The following UBE2D2 variants were observed in gnomAD, a reference collection of about 807,000 sequenced individuals.
The protein encoded by UBE2D2 is ubiquitin-conjugating enzyme E2 D2.
In UBE2D2, 2 loss-of-function variants were observed where a neutral mutation model predicts 24.2. The ratio of observed to expected loss-of-function variants is 0.08; its 90% confidence interval spans 0.03 to 0.26. The LOEUF (loss-of-function observed/expected upper bound fraction) is 0.26. UBE2D2 is among the 10% of genes least tolerant of loss of function. The pLI, the probability that UBE2D2 is intolerant of heterozygous loss-of-function variation, is 1.00. For synonymous variants in UBE2D2, 58 were observed against 56.5 expected, an observed-to-expected ratio of 1.03 and a Z score of -0.12; for missense variants, 44 against 177.6, an observed-to-expected ratio of 0.25 and a Z score of 4.28.
At chr5:139,549,372 CG>C (rs1752875133) in intron 1 of UBE2D2, among the ~76,000 whole-genome samples, 1 of 152,160 alleles carries the variant, frequency 6.6e-6, no homozygotes, top group African/African-American at 2.4e-5. Flanking sequence ...ACTGGGGCTG[CG>C]CGCATGGCAC....
chr5:139,616,077 A>C (rs10065372), intron 5 of UBE2D2, among the ~76,000 whole-genome samples: 13,251 of 149,866 alleles, frequency 0.088, 1,900 homozygotes, highest in African/African-American at 0.3. Flanking sequence ...CTTATGATCC[A>C]CCTGCCTCGG....
chr5:139,601,440 C>CA (rs1754071630), intron 2 of UBE2D2, among the ~76,000 whole-genome samples: 1 of 151,992 alleles, frequency 6.6e-6, no homozygotes, highest in Admixed American at 6.6e-5. Context: ...CCTGTCTCTA[C>CA]AAAAAACACA....
chr5:139,528,215 C>T (rs1752561574), intron 1 of UBE2D2, among the ~76,000 whole-genome samples: 1 of 152,162 alleles, frequency 6.6e-6, no homozygotes, highest in African/African-American at 2.4e-5. Context: ...CTTGTTCATC[C>T]CCGAGTGGAT....
intron 1 of UBE2D2, among the ~76,000 whole-genome samples, chr5:139,538,742 G>T (rs984972515): frequency 6.6e-6 from 1 of 151,864 alleles, no homozygotes; most frequent in Non-Finnish European, 1.5e-5. Flanking sequence ...GCATGGTGGC[G>T]CATGCCTGTA....
At chr5:139,609,896 C>T (rs1010216770) in intron 2 of UBE2D2, among the ~76,000 whole-genome samples, 3 of 151,470 alleles carry the variant, frequency 2.0e-5, no homozygotes, top group Admixed American at 6.6e-5. Context: ...CTCAGCCTCC[C>T]GAGTAGCTGG....
chr5:139,626,724 A>T, intron 6 of UBE2D2, 32 bp from the exon 7 acceptor site: 1 of 1,603,838 alleles, frequency 6.2e-7, no homozygotes, highest in Non-Finnish European at 8.5e-7. Context: ...CTCCACACCT[A>T]TGTTAAGCCA....
chr5:139,626,809 A>G lies in UBE2D2; in HGVS notation c.*8A>G. 1.9e-6 allele frequency: 3 copies of G among 1,611,138 alleles called. No homozygotes were observed. The highest frequency in any genetic ancestry group is 3.3e-5 in the Admixed American group (2 of 59,792). On this transcript the variant is annotated 3_prime_UTR_variant, in exon 7 of 7. Transcript: ENST00000398733. The stretch of plus-strand genomic sequence containing the variant: ...CAGAAGTATGCGATGTAATTAAAGA[A>G]ATTATTGGATAACCTCTACAAATAA...
At chr5:139,588,284 CAGAG>C (rs564645104) in intron 1 of UBE2D2, among the ~76,000 whole-genome samples, 10 of 150,726 alleles carry the variant, frequency 6.6e-5, no homozygotes, top group Admixed American at 1.3e-4. Flanking sequence ...TGTTTTGAGA[CAGAG>C]GGAGTTTTGC....
At chr5:139,539,819 A>G (rs1752732466) in intron 1 of UBE2D2, among the ~76,000 whole-genome samples, 1 of 151,636 alleles carries the variant, frequency 6.6e-6, no homozygotes, top group Non-Finnish European at 1.5e-5. Flanking sequence ...CTGGTCTCAA[A>G]CTCCTGACCT....
At chr5:139,528,914 TGAA>T (rs1325737671) in intron 1 of UBE2D2, among the ~76,000 whole-genome samples, 1 of 152,126 alleles carries the variant, frequency 6.6e-6, no homozygotes, top group African/African-American at 2.4e-5. Flanking sequence ...AAAGTGACTC[TGAA>T]GAAGATGACA....
At chr5:139,568,135 G>A (rs1753277797) in intron 1 of UBE2D2, among the ~76,000 whole-genome samples, 1 of 151,756 alleles carries the variant, frequency 6.6e-6, no homozygotes, top group Admixed American at 6.6e-5. Flanking sequence ...CCTGAGGTCA[G>A]GAGTTCGAGA....
chr5:139,550,587 T>C lies in UBE2D2; in HGVS notation c.-64+23975T>C, dbSNP rs908093328. ...CGCTCACGCTATGGGAGTTTTGTTT[T>C]TTTGATCTTTGAGATAACTTGCTGC... On this transcript the variant is annotated intron_variant, in intron 1 of 6. Transcript: ENST00000511725. Among the ~76,000 whole-genome samples the C allele has an allele frequency of 3.3e-5, 5 of 152,058 alleles. No individual in the cohort carries two copies. The East Asian group carries it at 7.8e-4, about 24-fold the overall frequency.
intron 1 of UBE2D2, among the ~76,000 whole-genome samples, chr5:139,549,563 G>A (rs1752878740): frequency 6.6e-6 from 1 of 152,230 alleles, no homozygotes; most frequent in African/African-American, 2.4e-5. Flanking sequence ...TTCTTGCCGG[G>A]CCTCAGCACC....
intron 2 of UBE2D2, among the ~76,000 whole-genome samples, chr5:139,610,933 C>A (rs995932118): frequency 5.3e-5 from 8 of 152,056 alleles, no homozygotes; most frequent in African/African-American, 1.9e-4. Context: ...TAGAAAGTTT[C>A]TTTCACTCTT....
intron 1 of UBE2D2, among the ~76,000 whole-genome samples, chr5:139,572,897 G>C (rs922112227): frequency 2.0e-5 from 3 of 152,016 alleles, no homozygotes; most frequent in African/African-American, 7.2e-5. Flanking sequence ...ACCCGCCTAA[G>C]CCTTTCAATG....
intron 2 of UBE2D2, among the ~76,000 whole-genome samples, chr5:139,600,708 C>G (rs1341202972): frequency 6.6e-6 from 1 of 152,234 alleles, no homozygotes; most frequent in East Asian, 1.9e-4. Context: ...TTACCTACAA[C>G]TAGCTATTAT....
At chr5:139,623,328 T>G (rs779993511) in intron 5 of UBE2D2, 40 bp from the exon 6 acceptor site, 3 of 1,493,684 alleles carry the variant, frequency 2.0e-6, no homozygotes, top group Non-Finnish European at 2.8e-6. Flanking sequence ...AACCCTTTGC[T>G]TTGATCCTCT....
At chr5:139,625,396 T>C (rs1162874744) in intron 6 of UBE2D2, among the ~76,000 whole-genome samples, 2 of 135,318 alleles carry the variant, frequency 1.5e-5, no homozygotes, top group Non-Finnish European at 3.1e-5. Flanking sequence ...GTTACAGGCA[T>C]GAGTTACCGT....
Position 139,626,829 on chromosome 5 carries a change from A to G in UBE2D2, c.*28A>G. 6.3e-7 allele frequency: 1 copy of G among 1,591,370 alleles called. No homozygotes were observed. The highest frequency in any genetic ancestry group is 8.6e-7 in the Non-Finnish European group (1 of 1,162,570). On this transcript the variant is annotated 3_prime_UTR_variant, in exon 7 of 7. Coordinates refer to ENST00000398733, the MANE Select transcript of UBE2D2 (RefSeq NM_003339.3). The stretch of plus-strand genomic sequence containing the variant: ...AAAGAAATTATTGGATAACCTCTAC[A>G]AATAAAGATAGGGGAACTCTGAAAG...
Sources: gnomAD v4.1 joint callset for allele counts (sites outside exome capture counted in the v4.1 genomes callset) on GRCh38, gnomAD v4.1.1 for gene constraint, MANE v1.5 for transcripts, NCBI Gene and HGNC (gene_info 2026-07-23, HGNC 2026-07-21) for gene names.